BSPH1: variants seen among roughly 807,000 people sequenced by gnomAD.
BSPH1 encodes the protein binder of sperm protein homolog 1, also known as binder of sperm 1.
In BSPH1, 21 loss-of-function variants were observed where a neutral mutation model predicts 22.5. The observed-to-expected ratio is 0.93, with a 90% CI of 0.66 to 1.35. The LOEUF is 1.35. BSPH1 is among the 40% of genes most tolerant of loss of function. The pLI is 0.00. For synonymous variants in BSPH1, 42 were observed against 53.6 expected (o/e 0.78, Z 0.95); for missense variants, 141 against 154.2 (o/e 0.91, Z 0.45).
At chr19:47,974,985 TA>T (rs1038730540) in intron 5 of BSPH1, among the ~76,000 whole-genome samples, 8 of 151,984 alleles carry the variant, frequency 5.3e-5, no homozygotes, top group East Asian at 1.9e-4. Context: ...AAAATACAAT[TA>T]AAAAAAACTC....
In BSPH1 at chr19:47,977,411, T is replaced by C. The variant is rs903996391; in HGVS notation, c.218A>G (p.Lys73Arg). 3.2e-6 allele frequency: 5 copies of C among 1,552,120 alleles called. No individual in the cohort carries two copies. Among genetic ancestry groups the C allele is most frequent in the Non-Finnish European group, 4.4e-6 (5 of 1,147,100 alleles). Residue 73 changes from lysine (K) to arginine (R), a missense_variant, in exon 4 of 6, where the codon AAG (lysine) becomes AGG (arginine). Coordinates refer to ENST00000344839, the MANE Select transcript of BSPH1 (RefSeq NM_001128326.2). Reference sequence around the variant, plus strand: ...AAACTTCCAGTATCCTTCGTAGGTCTTGTTTAACGAGCACCACTTGTGTCT... The same window carrying C: ...AAACTTCCAGTATCCTTCGTAGGTCCTGTTTAACGAGCACCACTTGTGTCT... ...KARHKWCSLN[K>R]TYEGYWKFCS...
In BSPH1 at chr19:47,970,446, T is replaced by C. The variant is rs1433545704; in HGVS notation, c.*3-2237A>G. Among the ~76,000 whole-genome samples the C allele has an allele frequency of 5.3e-5, 8 of 152,210 alleles. No homozygotes were observed. The East Asian group carries it at 1.5e-3, about 29-fold the overall frequency. The stretch of plus-strand genomic sequence containing the variant: ...TTGTTATCCTATTTCTGTCCCAACA[T>C]TGTATCATGATATGTTGGGGAAAAG... On this transcript the variant is annotated intron_variant, in intron 5 of 5. Coordinates refer to ENST00000344839, the MANE Select transcript of BSPH1 (RefSeq NM_001128326.2).
intron 5 of BSPH1, among the ~76,000 whole-genome samples, chr19:47,969,684 G>GGGGGGAGAGAGA (rs1162877914): frequency 2.6e-5 from 3 of 113,858 alleles, no homozygotes; most frequent in African/African-American, 8.3e-5. Flanking sequence ...AGGGAGAGGG[G>GGGGGGAGAGAGA]GAGAGAGAGA....
intron 3 of BSPH1, among the ~76,000 whole-genome samples, chr19:47,978,001 G>GAGATATATATATATAT (rs376259844): frequency 4.5e-5 from 5 of 110,456 alleles, no homozygotes; most frequent in Non-Finnish European, 9.3e-5. Context: ...GTTAATACAG[G>GAGATATATATATATAT]ATATATATAT....
chr19:47,976,606 ACC>A, intron 5 of BSPH1, 102 bp downstream of exon 5: 2 of 752,150 alleles, frequency 2.7e-6, no homozygotes, highest in Admixed American at 3.3e-5. Context: ...ACAAAAAAAA[ACC>A]CTCTCTAATG....
In BSPH1 at chr19:47,969,690, A is replaced by AGAGAGG. The variant is rs1969292019; in HGVS notation, c.*3-1482_*3-1481insCCTCTC. Among the ~76,000 whole-genome samples, 7 of 50,648 alleles carry AGAGAGG rather than the reference A, an allele frequency of 1.4e-4. No homozygotes were observed. In the South Asian group the frequency reaches 5.6e-3, roughly 40 times the overall value. The allele number at this position is 50,648 out of a possible 152,430, so 33.2% of individuals were successfully genotyped here. A position where few individuals can be genotyped will look rare whatever the true frequency, so the allele number is the denominator to read the frequency against. On this transcript the variant is annotated intron_variant, in intron 5 of 5. Transcript: ENST00000344839. ...CTGTAAGGCAGGGAGAGGGGGAGAG[A>AGAGAGG]GAGAGAGAGAGAGAGAGAGAGAGAG... is the stretch of plus-strand genomic sequence containing the variant.
At position 47,980,903 on chromosome 19, in the gene BSPH1, G is replaced by GT. The variant is rs552094223; in HGVS notation, c.94+17dup. The GT allele has an allele frequency of 2.3e-5, 33 of 1,434,928 alleles. No individual in the cohort carries two copies. Among genetic ancestry groups the GT allele is most frequent in the Non-Finnish European group, 3.0e-5 (32 of 1,066,124 alleles). 88.9% of individuals were successfully genotyped at this position (1,434,928 alleles called of 1,614,324 possible). On this transcript the variant is annotated intron_variant, in intron 2 of 5. Transcript: ENST00000344839. ...AATTTGAAAAGAAACGCTAATAAAA[G>GT]TTTTTTGATCAACTCACCCACAGTT...
At chr19:47,978,533 A>C (rs1969389956) in intron 3 of BSPH1, among the ~76,000 whole-genome samples, 1 of 152,194 alleles carries the variant, frequency 6.6e-6, no homozygotes, top group African/African-American at 2.4e-5. Flanking sequence ...TTAAGTCCTT[A>C]TGTATTGAAG....
intron 3 of BSPH1, among the ~76,000 whole-genome samples, chr19:47,977,986 G>T (rs902248398): frequency 8.6e-6 from 1 of 116,210 alleles, no homozygotes; most frequent in African/African-American, 3.3e-5. Context: ...TATATATGCT[G>T]TATGGTTAAT....
intron 5 of BSPH1, among the ~76,000 whole-genome samples, chr19:47,968,509 C>T (rs1969279150): frequency 6.6e-6 from 1 of 151,560 alleles, no homozygotes; most frequent in African/African-American, 2.4e-5. Flanking sequence ...AGGCACGTTC[C>T]ACCATGCCCA....
intron 5 of BSPH1, among the ~76,000 whole-genome samples, chr19:47,969,673 C>A (rs1969290749): frequency 1.1e-5 from 1 of 93,696 alleles, no homozygotes; most frequent in Non-Finnish European, 2.0e-5. Context: ...ACCTGTAAGG[C>A]AGGGAGAGGG....
intron 5 of BSPH1, among the ~76,000 whole-genome samples, chr19:47,974,010 A>G (rs1353092001): frequency 6.6e-6 from 1 of 152,182 alleles, no homozygotes; most frequent in African/African-American, 2.4e-5. Context: ...ATGAGCAGGT[A>G]TAGCTGTGGT....
chr19:47,985,207 T>A (rs1367270214), intron 1 of BSPH1, among the ~76,000 whole-genome samples: 2 of 152,138 alleles, frequency 1.3e-5, no homozygotes, highest in Non-Finnish European at 2.9e-5. Flanking sequence ...ATGTACCTCC[T>A]GCATCTAAAA....
intron 1 of BSPH1, among the ~76,000 whole-genome samples, chr19:47,988,837 T>C (rs114119656): frequency 0.023 from 3,529 of 152,270 alleles, 126 homozygotes; most frequent in African/African-American, 0.079. Flanking sequence ...AGTAATTACA[T>C]GTTGGACATG....
intron 2 of BSPH1, among the ~76,000 whole-genome samples, chr19:47,980,087 C>G (rs1969404282): frequency 6.6e-6 from 1 of 152,146 alleles, no homozygotes; most frequent in African/African-American, 2.4e-5. Flanking sequence ...TCTACAATAT[C>G]ACTTATGTTA....
At chr19:47,986,817 T>C (rs1328540225) in intron 1 of BSPH1, among the ~76,000 whole-genome samples, 1 of 152,066 alleles carries the variant, frequency 6.6e-6, no homozygotes, top group African/African-American at 2.4e-5. Context: ...TCTAGAGCAA[T>C]AGACATTTAT....
Position 47,977,505 on chromosome 19 carries a change from C to G in BSPH1, c.125-1G>C, listed in dbSNP as rs764447546. On this transcript the variant is annotated splice_acceptor_variant, in intron 3 of 5. Coordinates refer to ENST00000344839, the MANE Select transcript of BSPH1 (RefSeq NM_001128326.2). LOFTEE classifies it high-confidence loss of function. ...TGGAATGGAAAGACACACTCCCCAT[C>G]TAGAGAAAACAAAATTCTTCCTCTG... 3.2e-6 allele frequency: 5 copies of G among 1,551,426 alleles called. No individual in the cohort carries two copies. Among genetic ancestry groups the G allele is most frequent in the Non-Finnish European group, 4.4e-6 (5 of 1,146,888 alleles).
downstream of BSPH1, among the ~76,000 whole-genome samples, chr19:47,967,519 C>T (rs1969270168): frequency 2.0e-5 from 3 of 152,282 alleles, no homozygotes; most frequent in South Asian, 6.2e-4. Flanking sequence ...TTCCTCAAAG[C>T]GTCTCTCCTT....
chr19:47,978,400 G>A (rs779470880), intron 3 of BSPH1, among the ~76,000 whole-genome samples: 17 of 152,168 alleles, frequency 1.1e-4, no homozygotes, highest in East Asian at 1.9e-4. Flanking sequence ...CACTGAGTCC[G>A]GCCTTAACTT....
Sources: gnomAD v4.1 joint callset for allele counts (sites outside exome capture counted in the v4.1 genomes callset) on GRCh38, gnomAD v4.1.1 for gene constraint, MANE v1.5 for transcripts, NCBI Gene and HGNC (gene_info 2026-07-23, HGNC 2026-07-21) for gene names.